TMTC2: variants seen among roughly 807,000 people sequenced by gnomAD.
The protein encoded by TMTC2 is protein O-mannosyl-transferase TMTC2.
TMTC2 carries 43 observed loss-of-function variants against 82.4 expected under a neutral mutation model. The observed-to-expected ratio is 0.52, with a 90% CI of 0.41 to 0.67. The LOEUF (loss-of-function observed/expected upper bound fraction) is 0.67, where lower values mean the gene tolerates loss of function less well. Among genes scored for constraint, TMTC2 ranks in the 30% least tolerant of loss-of-function variants. The pLI, the probability that TMTC2 is intolerant of heterozygous loss-of-function variation, is 0.00. For missense variants in TMTC2, 919 were observed against 1,012.4 expected (o/e 0.91, Z 1.25); for synonymous variants, 408 against 381.9 (o/e 1.07, Z -0.80).
chr12:82,705,703 G>GT (rs1467090921), intron 1 of TMTC2, among the ~76,000 whole-genome samples: 1 of 152,206 alleles, frequency 6.6e-6, no homozygotes, highest in Non-Finnish European at 1.5e-5. Flanking sequence ...GAAAGCATCA[G>GT]TGTGGGATGC....
intron 1 of TMTC2, among the ~76,000 whole-genome samples, chr12:82,792,140 T>C (rs929193800): frequency 2.6e-5 from 4 of 152,112 alleles, no homozygotes; most frequent in Non-Finnish European, 2.9e-5. Flanking sequence ...TTCAGATGTG[T>C]CCACTTTTGC....
chr12:82,713,025 A>G (rs1045634751), intron 1 of TMTC2, among the ~76,000 whole-genome samples: 2 of 152,150 alleles, frequency 1.3e-5, no homozygotes, highest in Non-Finnish European at 2.9e-5. Flanking sequence ...AATGAGTAAG[A>G]AAGAGTTTAG....
chr12:82,832,343 GTT>G (rs202150424), intron 1 of TMTC2, among the ~76,000 whole-genome samples: 18 of 143,780 alleles, frequency 1.3e-4, no homozygotes, highest in Admixed American at 3.5e-4. Flanking sequence ...TTATGTACAA[GTT>G]TTTTTTTTTT....
chr12:82,693,129 G>A (rs1299381896), intron 1 of TMTC2, among the ~76,000 whole-genome samples: 1 of 152,128 alleles, frequency 6.6e-6, no homozygotes, highest in Non-Finnish European at 1.5e-5. Context: ...TACTGTAAAG[G>A]GTTTGAATCT....
At chr12:83,065,037 T>C (rs958148574) in intron 11 of TMTC2, among the ~76,000 whole-genome samples, 4 of 151,932 alleles carry the variant, frequency 2.6e-5, no homozygotes, top group African/African-American at 9.7e-5. Flanking sequence ...TATTTTTAAG[T>C]ACCCCTGAGA....
At chr12:82,970,752 C>T (rs1463551623) in intron 7 of TMTC2, among the ~76,000 whole-genome samples, 1 of 152,188 alleles carries the variant, frequency 6.6e-6, no homozygotes, top group East Asian at 1.9e-4. Flanking sequence ...CCTTGGTAGT[C>T]ACCACAGTTC....
intron 1 of TMTC2, among the ~76,000 whole-genome samples, chr12:82,807,316 C>T (rs1879292350): frequency 6.6e-6 from 1 of 152,102 alleles, no homozygotes; most frequent in Non-Finnish European, 1.5e-5. Flanking sequence ...AGGCAGACAG[C>T]TTAAACCAGA....
intron 2 of TMTC2, among the ~76,000 whole-genome samples, chr12:82,892,856 A>G (rs1445605197): frequency 6.6e-6 from 1 of 152,126 alleles, no homozygotes; most frequent in African/African-American, 2.4e-5. Flanking sequence ...TCTTTGCCAA[A>G]TGGTGTTTCT....
intron 9 of TMTC2, among the ~76,000 whole-genome samples, chr12:83,033,959 T>C (rs1370624409): frequency 6.6e-6 from 1 of 151,266 alleles, no homozygotes; most frequent in Admixed American, 6.6e-5. Context: ...GTTTGCTTTT[T>C]TTTTCCCCAA....
intron 3 of TMTC2, among the ~76,000 whole-genome samples, chr12:82,914,305 C>G (rs1384931434): frequency 6.6e-6 from 1 of 151,758 alleles, no homozygotes; most frequent in Non-Finnish European, 1.5e-5. Context: ...GCATTTTTTA[C>G]TCATCATTTC....
At chr12:82,973,944 A>T (rs1028699149) in intron 7 of TMTC2, among the ~76,000 whole-genome samples, 1 of 152,252 alleles carries the variant, frequency 6.6e-6, no homozygotes, top group African/African-American at 2.4e-5. Context: ...TGTGGTAAAG[A>T]AAAAGATCAA....
intron 2 of TMTC2, among the ~76,000 whole-genome samples, chr12:82,872,005 A>ACCCCCCCCCCCCCCC (rs61305687): frequency 1.4e-4 from 13 of 95,734 alleles, no homozygotes; most frequent in Admixed American, 5.2e-4. Context: ...GTTGAACAAC[A>ACCCCCCCCCCCCCCC]CCCCCCCCCC....
chr12:83,017,230 G>A (rs1006683915), intron 8 of TMTC2, among the ~76,000 whole-genome samples: 2 of 152,110 alleles, frequency 1.3e-5, no homozygotes, highest in Non-Finnish European at 2.9e-5. Flanking sequence ...GTGGGACATG[G>A]CAGTGTCATG....
chr12:82,687,534 T>C lies in TMTC2; in HGVS notation c.-53T>C, dbSNP rs1872374910. On this transcript the variant is annotated 5_prime_UTR_variant, in exon 1 of 12. Transcript: ENST00000321196. ...GGAGATTGATGCTTCTGTTTTTTGT[T>C]GCCGCTGCTGCCCTCGCGCTGGGAG... 6.5e-7 allele frequency: 1 copy of C among 1,541,890 alleles called. No homozygotes were observed. The highest frequency in any genetic ancestry group is 8.8e-7 in the Non-Finnish European group (1 of 1,132,982).
chr12:82,887,249 C>A (rs1286671413), intron 2 of TMTC2, among the ~76,000 whole-genome samples: 1 of 152,126 alleles, frequency 6.6e-6, no homozygotes, highest in Non-Finnish European at 1.5e-5. Flanking sequence ...TTTTCAGTTT[C>A]ATTTATGTCC....
chr12:82,839,155 T>A (rs1259324163), intron 1 of TMTC2, among the ~76,000 whole-genome samples: 1 of 152,182 alleles, frequency 6.6e-6, no homozygotes, highest in East Asian at 1.9e-4. Flanking sequence ...AAGTGGTAAA[T>A]GCGCTTAGAG....
chr12:82,970,653 A>C (rs1233807045), intron 7 of TMTC2, among the ~76,000 whole-genome samples: 1 of 152,242 alleles, frequency 6.6e-6, no homozygotes, highest in Non-Finnish European at 1.5e-5. Flanking sequence ...TTTAAACTCC[A>C]AAAGTTGATT....
In TMTC2 at chr12:83,061,825, G is replaced by A. The variant is rs1490379905; in HGVS notation, c.2325G>A (p.Arg775=). 12 of 1,595,150 alleles carry A rather than the reference G, an allele frequency of 7.5e-6. No homozygotes were observed. Among genetic ancestry groups the A allele is most frequent in the East Asian group, 2.3e-5 (1 of 44,308 alleles). Residue 775 remains arginine (R), a synonymous_variant, in exon 11 of 12, where the codon AGG becomes AGA. Coordinates refer to ENST00000321196, the MANE Select transcript of TMTC2 (RefSeq NM_152588.3). Reference sequence around the variant, plus strand: ...ATTATGATCTGGCAGCCAGGCTGAGGCCTAATGTAAGTACTTCCCTAATGA... The same window carrying A: ...ATTATGATCTGGCAGCCAGGCTGAGACCTAATGTAAGTACTTCCCTAATGA... ...EKYYDLAARL[R]PNYPAALMNL... is the part of the protein sequence containing the mutation.
chr12:83,046,540 C>A, intron 9 of TMTC2, among the ~76,000 whole-genome samples: 1 of 152,116 alleles, frequency 6.6e-6, no homozygotes. Flanking sequence ...TAGACAGACT[C>A]TCCAAAGTGC....
Sources: gnomAD v4.1 joint callset for allele counts (sites outside exome capture counted in the v4.1 genomes callset) on GRCh38, gnomAD v4.1.1 for gene constraint, MANE v1.5 for transcripts, NCBI Gene and HGNC (gene_info 2026-07-23, HGNC 2026-07-21) for gene names.